Variants in EVI5 observed in about 807,000 individuals in gnomAD.
EVI5 encodes the protein ecotropic viral integration site 5 protein homolog.
EVI5 carries 73 observed loss-of-function variants against 112.0 expected under a neutral mutation model. That is an observed-to-expected ratio of 0.65 (90% CI 0.54 to 0.79). EVI5 has a LOEUF of 0.79. Ranked by LOEUF, EVI5 falls within the 30% of genes least tolerant of loss-of-function variation. The probability of loss-of-function intolerance (pLI) is 0.00; values close to 1 mark genes in which losing one functional copy is unlikely to be tolerated. For missense variants in EVI5, 900 were observed against 968.8 expected (o/e 0.93, Z 0.94); for synonymous variants, 305 against 319.9 (o/e 0.95, Z 0.50).
At chr1:92,535,092 C>A (rs944940677) in intron 19 of EVI5, among the ~76,000 whole-genome samples, 9 of 151,586 alleles carry the variant, frequency 5.9e-5, no homozygotes, top group South Asian at 2.1e-4. Flanking sequence ...GAAAAAAAAA[C>A]CCATCAAAAA....
intron 13 of EVI5, among the ~76,000 whole-genome samples, chr1:92,641,551 T>C (rs1557976802): frequency 1.3e-5 from 2 of 152,196 alleles, no homozygotes. Flanking sequence ...TGATACAATG[T>C]TTCCATTTGT....
At chr1:92,563,980 C>T (rs1008543327) in intron 18 of EVI5, among the ~76,000 whole-genome samples, 2 of 151,976 alleles carry the variant, frequency 1.3e-5, no homozygotes, top group African/African-American at 2.4e-5. Flanking sequence ...TGGAGTGCAA[C>T]GGTGCCATCT....
chr1:92,683,250 G>A (rs560115792), intron 9 of EVI5, among the ~76,000 whole-genome samples: 33 of 152,200 alleles, frequency 2.2e-4, no homozygotes, highest in African/African-American at 7.2e-4. Flanking sequence ...TGCAGTCTCC[G>A]CTGATGATAC....
chr1:92,704,706 T>C lies in EVI5; in HGVS notation c.188A>G (p.Asn63Ser). Residue 63 changes from asparagine (N) to serine (S), a missense_variant, in exon 3 of 20, where the codon AAT becomes AGT. By Grantham distance (46) the Asn-to-Ser change is conservative. Transcript: ENST00000684568. Reference protein sequence around the residue: ...ETDSKSLRSVNGSRRNSGSSL... With the variant: ...ETDSKSLRSVSGSRRNSGSSL... ...AGAGCCACTGTTTCTTCTTGACCCATTTACAGATCTTAAAGACTTACTATC... is the reference window on the plus strand; with the variant it reads ...AGAGCCACTGTTTCTTCTTGACCCACTTACAGATCTTAAAGACTTACTATC... The C allele has an allele frequency of 6.3e-7, 1 of 1,587,536 alleles. No homozygotes were observed. The highest frequency in any genetic ancestry group is 8.6e-7 in the Non-Finnish European group (1 of 1,165,984).
chr1:92,611,377 A>G (rs1651757912), intron 16 of EVI5, among the ~76,000 whole-genome samples: 1 of 152,030 alleles, frequency 6.6e-6, no homozygotes, highest in Non-Finnish European at 1.5e-5. Context: ...GAGCTAAACT[A>G]TCATACAAGA....
intron 1 of EVI5, among the ~76,000 whole-genome samples, chr1:92,775,608 T>C (rs527887386): frequency 3.3e-5 from 5 of 152,258 alleles, no homozygotes; most frequent in East Asian, 1.9e-4. Flanking sequence ...TAGGTGTGTA[T>C]AGTAGGCTCT....
intron 18 of EVI5, among the ~76,000 whole-genome samples, chr1:92,578,587 G>A (rs1426013189): frequency 3.3e-5 from 5 of 152,034 alleles, no homozygotes; most frequent in Admixed American, 6.5e-5. Flanking sequence ...GCGTGGTGGC[G>A]GGTGCCTGTA....
At chr1:92,645,444 C>G (rs1236757175) in intron 13 of EVI5, among the ~76,000 whole-genome samples, 1 of 152,058 alleles carries the variant, frequency 6.6e-6, no homozygotes, top group Non-Finnish European at 1.5e-5. Flanking sequence ...CCTAGAAGTC[C>G]ACTGTGGGGG....
intron 16 of EVI5, among the ~76,000 whole-genome samples, chr1:92,617,587 G>A (rs1289936860): frequency 6.6e-6 from 1 of 152,200 alleles, no homozygotes; most frequent in African/African-American, 2.4e-5. Context: ...TGGCAGGGAT[G>A]GAAGTTACAC....
intron 2 of EVI5, among the ~76,000 whole-genome samples, chr1:92,730,231 T>C (rs1676226322): frequency 6.6e-6 from 1 of 151,992 alleles, no homozygotes; most frequent in Non-Finnish European, 1.5e-5. Flanking sequence ...CCAGGCATGA[T>C]GGCACGTGCC....
At chr1:92,633,030 T>C (rs1488110698) in intron 14 of EVI5, among the ~76,000 whole-genome samples, 1 of 152,242 alleles carries the variant, frequency 6.6e-6, no homozygotes, top group African/African-American at 2.4e-5. Flanking sequence ...TGCACTGTGG[T>C]TTGAGACACA....
At chr1:92,590,514 A>C (rs1368069209) in intron 18 of EVI5, among the ~76,000 whole-genome samples, 2 of 152,234 alleles carry the variant, frequency 1.3e-5, no homozygotes, top group African/African-American at 2.4e-5. Context: ...AAAGGGTATC[A>C]GCGATGGAAT....
At chr1:92,612,208 A>G (rs969277663) in intron 16 of EVI5, among the ~76,000 whole-genome samples, 1 of 152,170 alleles carries the variant, frequency 6.6e-6, no homozygotes, top group African/African-American at 2.4e-5. Context: ...AATAGAAAAC[A>G]AAAGGAATTA....
chr1:92,783,046 C>A (rs1356758412), intron 1 of EVI5, among the ~76,000 whole-genome samples: 1 of 152,036 alleles, frequency 6.6e-6, no homozygotes, highest in Admixed American at 6.6e-5. Flanking sequence ...GTCTCAAACT[C>A]CTGGGCTCAA....
intron 13 of EVI5, 63 bp downstream of exon 13, chr1:92,662,653 GAAA>G: frequency 1.0e-6 from 1 of 954,062 alleles, no homozygotes; most frequent in Non-Finnish European, 1.3e-6. Context: ...TCTGTGCTAT[GAAA>G]AAAAAAATGA....
chr1:92,744,352 G>A lies in EVI5; in HGVS notation c.-81-7725C>T, dbSNP rs549077582. On this transcript the variant is annotated intron_variant, in intron 1 of 19. Coordinates refer to ENST00000684568, the MANE Select transcript of EVI5 (RefSeq NM_001350197.2). ...TGATAAATGGTGCTATTCAGCTATA[G>A]CCTAACTGATTTTCTGTCTGCTACA... Among the ~76,000 whole-genome samples, 3 of 152,174 alleles carry A rather than the reference G, an allele frequency of 2.0e-5. No homozygotes were observed. In the East Asian group the frequency reaches 5.8e-4, roughly 29 times the overall value.
intron 2 of EVI5, among the ~76,000 whole-genome samples, chr1:92,717,615 A>T (rs749387896): frequency 6.6e-6 from 1 of 152,202 alleles, no homozygotes; most frequent in Non-Finnish European, 1.5e-5. Flanking sequence ...GACCATCGAC[A>T]CTATGAAGAA....
intron 18 of EVI5, among the ~76,000 whole-genome samples, 192 bp downstream of exon 18, chr1:92,605,115 T>G (rs973474224): frequency 6.6e-6 from 1 of 152,128 alleles, no homozygotes; most frequent in Non-Finnish European, 1.5e-5. Flanking sequence ...TCAAATATAC[T>G]TAATGCTGCA....
intron 18 of EVI5, among the ~76,000 whole-genome samples, chr1:92,596,545 A>T (rs1647931023): frequency 6.6e-6 from 1 of 152,236 alleles, no homozygotes. Context: ...AAAGTTGTTA[A>T]GTAATAAGCT....
Sources: gnomAD v4.1 joint callset for allele counts (sites outside exome capture counted in the v4.1 genomes callset) on GRCh38, gnomAD v4.1.1 for gene constraint, MANE v1.5 for transcripts, NCBI Gene and HGNC (gene_info 2026-07-23, HGNC 2026-07-21) for gene names.